PRDM16: variants seen among roughly 807,000 people sequenced by gnomAD.
PRDM16 encodes the protein PR/SET domain 16, also known as histone-lysine N-methyltransferase PRDM16.
In PRDM16, 23 loss-of-function variants were observed where a neutral mutation model predicts 110.6. The observed-to-expected ratio is 0.21, with a 90% CI of 0.15 to 0.29. PRDM16 has a LOEUF of 0.29. Among genes scored for constraint, PRDM16 ranks in the 10% least tolerant of loss-of-function variants. The pLI, the probability that PRDM16 is intolerant of heterozygous loss-of-function variation, is 1.00. For missense variants in PRDM16, 1,615 were observed against 1,794.3 expected, an observed-to-expected ratio of 0.90 and a Z score of 1.81; for synonymous variants, 799 against 781.8, an observed-to-expected ratio of 1.02 and a Z score of -0.37.
intron 3 of PRDM16, among the ~76,000 whole-genome samples, chr1:3,251,151 C>G (rs1639920016): frequency 6.6e-6 from 1 of 152,218 alleles, no homozygotes; most frequent in Non-Finnish European, 1.5e-5. Context: ...CCCAGAGGAG[C>G]CGGACCAAGC....
At chr1:3,142,949 G>C (rs1299067341) in intron 1 of PRDM16, among the ~76,000 whole-genome samples, 1 of 152,228 alleles carries the variant, frequency 6.6e-6, no homozygotes, top group East Asian at 1.9e-4. Context: ...GGGGCACCCA[G>C]GTGCGATGCT....
intron 1 of PRDM16, among the ~76,000 whole-genome samples, chr1:3,124,231 G>A (rs1643156708): frequency 6.6e-6 from 1 of 152,180 alleles, no homozygotes; most frequent in Non-Finnish European, 1.5e-5. Flanking sequence ...TGGGCCCTGA[G>A]CTGGAGGCCG....
chr1:3,204,247 G>A (rs576977868), intron 2 of PRDM16, among the ~76,000 whole-genome samples: 1 of 152,334 alleles, frequency 6.6e-6, no homozygotes, highest in East Asian at 1.9e-4. Flanking sequence ...GTGTGTGTGG[G>A]TGTGACTTCC....
At chr1:3,386,007 T>C (rs377762717) in intron 4 of PRDM16, among the ~76,000 whole-genome samples, 7 of 152,316 alleles carry the variant, frequency 4.6e-5, no homozygotes, top group South Asian at 2.1e-4. Context: ...GAAGGCACCG[T>C]GTCCCCAGAG....
At chr1:3,164,755 G>T (rs1643931803) in intron 1 of PRDM16, among the ~76,000 whole-genome samples, 2 of 152,172 alleles carry the variant, frequency 1.3e-5, no homozygotes, top group South Asian at 4.1e-4. Context: ...TGTCCCGGCA[G>T]CAGTGCAGGG....
chr1:3,228,569 T>C (rs1639342181), intron 2 of PRDM16, among the ~76,000 whole-genome samples: 1 of 152,184 alleles, frequency 6.6e-6, no homozygotes, highest in South Asian at 2.1e-4. Context: ...TAAAGTTGAA[T>C]GAGGGCTGTA....
chr1:3,356,397 G>A (rs1001266675), intron 3 of PRDM16, among the ~76,000 whole-genome samples: 10 of 152,198 alleles, frequency 6.6e-5, no homozygotes, highest in Non-Finnish European at 1.0e-4. Context: ...AGGGAGGTCC[G>A]ACGCCGTGTC....
At chr1:3,348,479 C>A (rs1443008082) in intron 3 of PRDM16, among the ~76,000 whole-genome samples, 4 of 152,222 alleles carry the variant, frequency 2.6e-5, no homozygotes, top group Non-Finnish European at 5.9e-5. Context: ...AAAGAGCTGT[C>A]TTCATTGAGA....
chr1:3,312,467 G>A (rs888915153), intron 3 of PRDM16, among the ~76,000 whole-genome samples: 2 of 152,206 alleles, frequency 1.3e-5, no homozygotes, highest in African/African-American at 4.8e-5. Flanking sequence ...CCCACCCGCC[G>A]GCTGCACCTC....
chr1:3,420,372 C>A (rs1324982499), intron 12 of PRDM16, among the ~76,000 whole-genome samples: 1 of 152,246 alleles, frequency 6.6e-6, no homozygotes, highest in East Asian at 1.9e-4. Context: ...CTCAACCCCC[C>A]ATGCCCGCCC....
Position 3,241,369 on chromosome 1 carries a change from A to T in PRDM16, c.388-2718A>T, listed in dbSNP as rs1242779375. Among the ~76,000 whole-genome samples, 5 of 152,146 alleles carry T rather than the reference A, an allele frequency of 3.3e-5. 1 individual carries two copies. The highest frequency in any genetic ancestry group is 7.4e-5 in the Non-Finnish European group (5 of 68,020). On this transcript the variant is annotated intron_variant, in intron 2 of 16. Coordinates refer to ENST00000270722, the MANE Select transcript of PRDM16 (RefSeq NM_022114.4). ...GTGACCACAGTCCTCAGCAGCCCACACCCTCAGCCCGAAGGGGGCCCAGGC... is the reference window on the plus strand; with the variant it reads ...GTGACCACAGTCCTCAGCAGCCCACTCCCTCAGCCCGAAGGGGGCCCAGGC...
At chr1:3,156,543 C>A (rs1457752687) in intron 1 of PRDM16, among the ~76,000 whole-genome samples, 1 of 152,190 alleles carries the variant, frequency 6.6e-6, no homozygotes, top group East Asian at 1.9e-4. Flanking sequence ...TTTGCTGTCA[C>A]CCCTCCTCCT....
chr1:3,321,802 G>A (rs191565746), intron 3 of PRDM16, among the ~76,000 whole-genome samples: 15 of 148,396 alleles, frequency 1.0e-4, no homozygotes, highest in Middle Eastern at 4.3e-3. Flanking sequence ...GTGTGCGTGC[G>A]TGTGTGTAGG....
intron 3 of PRDM16, among the ~76,000 whole-genome samples, chr1:3,361,781 G>A (rs1242207007): frequency 6.6e-6 from 1 of 152,086 alleles, no homozygotes; most frequent in Non-Finnish European, 1.5e-5. Flanking sequence ...GGGAGGGCAG[G>A]AGGTGAGAAG....
intron 3 of PRDM16, among the ~76,000 whole-genome samples, chr1:3,264,711 G>A (rs1334938406): frequency 2.6e-5 from 4 of 151,854 alleles, no homozygotes; most frequent in African/African-American, 9.7e-5. Flanking sequence ...GGGGAGGGGC[G>A]TGGAGGGGGC....
In PRDM16 at chr1:3,190,165, G is replaced by A. The variant is rs943560189; in HGVS notation, c.387+3691G>A. The stretch of plus-strand genomic sequence containing the variant: ...ACCCACGAGCTTTGGGTTCAAGGTC[G>A]TGGGGCAGCCTTACTTCAAGGTCGT... On this transcript the variant is annotated intron_variant, in intron 2 of 16. Transcript: ENST00000270722. The surrounding 1 kb of genome is among the most constrained non-coding windows in gnomAD (Gnocchi z 5.0). Among the ~76,000 whole-genome samples the A allele has an allele frequency of 4.6e-5, 7 of 151,934 alleles. No individual in the cohort carries two copies. The highest frequency in any genetic ancestry group is 2.1e-4 in the South Asian group (1 of 4,814).
chr1:3,225,543 T>C (rs1639266615), intron 2 of PRDM16, among the ~76,000 whole-genome samples: 1 of 131,396 alleles, frequency 7.6e-6, no homozygotes, highest in Non-Finnish European at 1.5e-5. Context: ...TGTGTGTGTG[T>C]GTGTGTGTGT....
chr1:3,335,644 C>T (rs1642131515), intron 3 of PRDM16, among the ~76,000 whole-genome samples: 2 of 151,648 alleles, frequency 1.3e-5, no homozygotes, highest in Non-Finnish European at 2.9e-5. Flanking sequence ...CACACACACC[C>T]TTGGACATAA....
In PRDM16 at chr1:3,213,166, A is replaced by G. The variant is rs1194747156; in HGVS notation, c.387+26692A>G. Among the ~76,000 whole-genome samples the G allele has an allele frequency of 6.6e-6, 1 of 152,252 alleles. No individual in the cohort carries two copies. Among genetic ancestry groups the G allele is most frequent in the African/African-American group, 2.4e-5 (1 of 41,464 alleles). On this transcript the variant is annotated intron_variant, in intron 2 of 16. Coordinates refer to ENST00000270722, the MANE Select transcript of PRDM16 (RefSeq NM_022114.4). This position sits in a 1 kb window ranked among gnomAD's most constrained non-coding sequence, Gnocchi z 5.3. ...CAAAAAAGGAAATGCCACCGCCAACAGCAACAGAAACACAGATTTGGAGAT... is the reference window on the plus strand; with the variant it reads ...CAAAAAAGGAAATGCCACCGCCAACGGCAACAGAAACACAGATTTGGAGAT...
Sources: allele counts gnomAD v4.1 joint callset (sites outside exome capture counted in the v4.1 genomes callset), GRCh38; gene constraint gnomAD v4.1.1; non-coding constraint Gnocchi (gnomAD v3.1); transcripts MANE v1.5; gene names NCBI Gene and HGNC (gene_info 2026-07-23, HGNC 2026-07-21).